CIMAP2: variants seen among roughly 807,000 people sequenced by gnomAD.
CIMAP2 encodes the protein ciliary microtubule associated protein 2.
At chr1:54,806,140 C>T in the CIMAP2 span, 4 of 1,547,158 alleles carry the variant, frequency 2.6e-6, no homozygotes, top group South Asian at 1.2e-5. Context: ...AGGATGCCGC[C>T]GGAGCTCATG....
the CIMAP2 span, among the ~76,000 whole-genome samples, chr1:54,826,195 C>T: frequency 6.6e-6 from 1 of 152,192 alleles, no homozygotes; most frequent in Non-Finnish European, 1.5e-5. Flanking sequence ...AGGTGTGCAG[C>T]AGCTCTGCCA....
chr1:54,819,740 C>G, the CIMAP2 span, among the ~76,000 whole-genome samples: 1 of 151,696 alleles, frequency 6.6e-6, no homozygotes, highest in Admixed American at 6.6e-5. Context: ...CAGGAGTTGG[C>G]AAGTGTCTCC....
chr1:54,811,765 G>GCCGGGGGGGGGGGGGGGGGGCCCC, the CIMAP2 span: 2 of 1,301,332 alleles, frequency 1.5e-6, no homozygotes, highest in Non-Finnish European at 2.2e-6. Context: ...GGTTCTGACA[G>GCCGGGGGGGGGGGGGGGGGGCCCC]CCTCCATGCC....
chr1:54,811,765 G>GCCGGGGGGGGCCCCCC, the CIMAP2 span: 4 of 1,301,328 alleles, frequency 3.1e-6, no homozygotes, highest in Admixed American at 1.8e-5. Context: ...GGTTCTGACA[G>GCCGGGGGGGGCCCCCC]CCTCCATGCC....
At chr1:54,818,232 T>C in the CIMAP2 span, among the ~76,000 whole-genome samples, 2 of 152,208 alleles carry the variant, frequency 1.3e-5, no homozygotes, top group African/African-American at 4.8e-5. Flanking sequence ...CTTCCCTCCA[T>C]CTGGAGACTC....
At chr1:54,821,283 T>C in the CIMAP2 span, among the ~76,000 whole-genome samples, 2 of 152,354 alleles carry the variant, frequency 1.3e-5, no homozygotes, top group South Asian at 4.1e-4. Flanking sequence ...TTTGAAGTTT[T>C]AGTCATAAAG....
the CIMAP2 span, among the ~76,000 whole-genome samples, chr1:54,826,952 T>C: frequency 6.6e-6 from 1 of 152,244 alleles, no homozygotes; most frequent in Non-Finnish European, 1.5e-5. Flanking sequence ...CCCCTCCTAT[T>C]TGTCTGTTTT....
chr1:54,836,528 A>G, the CIMAP2 span, among the ~76,000 whole-genome samples: 1 of 148,516 alleles, frequency 6.7e-6, no homozygotes, highest in African/African-American at 2.5e-5. Context: ...GGATGGGGGT[A>G]GGGGGTGGGG....
chr1:54,818,208 T>C, the CIMAP2 span, among the ~76,000 whole-genome samples: 21 of 152,326 alleles, frequency 1.4e-4, no homozygotes, highest in South Asian at 4.3e-3. Context: ...TCCTTTGTGC[T>C]GGGTACTTAG....
At chr1:54,808,616 G>A in the CIMAP2 span, among the ~76,000 whole-genome samples, 1 of 139,556 alleles carries the variant, frequency 7.2e-6, no homozygotes. Context: ...TGCTGCCGGG[G>A]GAGGGCAGTG....
chr1:54,813,965 C>T, the CIMAP2 span: 4 of 1,604,498 alleles, frequency 2.5e-6, no homozygotes, highest in Non-Finnish European at 3.4e-6. Context: ...AGCCAGTGCC[C>T]CCGCACACTG....
chr1:54,833,574 C>T, the CIMAP2 span, among the ~76,000 whole-genome samples: 65 of 152,300 alleles, frequency 4.3e-4, no homozygotes, highest in African/African-American at 1.6e-3. Flanking sequence ...TGGGATTTAA[C>T]TCATGTGTGG....
At chr1:54,833,671 T>C in the CIMAP2 span, among the ~76,000 whole-genome samples, 6,693 of 151,956 alleles carry the variant, frequency 0.044, 425 homozygotes, top group East Asian at 0.18. Flanking sequence ...GTGGGCCAGG[T>C]TTTTCATCTA....
chr1:54,808,037 C>G, the CIMAP2 span: 1 of 1,518,678 alleles, frequency 6.6e-7, no homozygotes. Flanking sequence ...TCTGGAGTCC[C>G]AAGCAGAGAG....
At chr1:54,813,783 T>C in the CIMAP2 span, 4 of 1,574,872 alleles carry the variant, frequency 2.5e-6, no homozygotes, top group Non-Finnish European at 3.4e-6. Context: ...TTTCCTGGCA[T>C]AGCAGATTCC....
the CIMAP2 span, among the ~76,000 whole-genome samples, chr1:54,824,835 T>C: frequency 5.5e-4 from 84 of 151,984 alleles, 1 homozygote; most frequent in East Asian, 0.016. Context: ...TCATTGATTT[T>C]CTTTAATATC....
the CIMAP2 span, among the ~76,000 whole-genome samples, chr1:54,828,581 C>G: frequency 1.3e-5 from 2 of 152,194 alleles, no homozygotes; most frequent in African/African-American, 4.8e-5. Flanking sequence ...ATCCTCCTGC[C>G]TTGGCCTCCC....
the CIMAP2 span, among the ~76,000 whole-genome samples, chr1:54,822,337 T>G: frequency 1.3e-5 from 2 of 151,766 alleles, no homozygotes; most frequent in Non-Finnish European, 2.9e-5. Context: ...ATTGATTTTA[T>G]GTTTTCAAAA....
chr1:54,815,077 C>A, the CIMAP2 span: 1 of 1,610,132 alleles, frequency 6.2e-7, no homozygotes, highest in South Asian at 1.1e-5. Context: ...TGGGAACTCT[C>A]TCCTGCCTCT....
Sources: gnomAD v4.1 joint callset for allele counts (sites outside exome capture counted in the v4.1 genomes callset) on GRCh38, gnomAD v4.1.1 for gene constraint, MANE v1.5 for transcripts, NCBI Gene and HGNC (gene_info 2026-07-23, HGNC 2026-07-21) for gene names.